The following PRRG2 variants were observed in gnomAD, a reference collection of about 807,000 sequenced individuals.
PRRG2 encodes the protein proline rich and Gla domain 2.
A neutral mutation model predicts 27.1 loss-of-function variants in PRRG2; 23 were observed. That is an observed-to-expected ratio of 0.85 (90% CI 0.61 to 1.20). PRRG2 has a LOEUF of 1.20. Ranked by LOEUF, PRRG2 falls within the 50% of genes most tolerant of loss-of-function variation. The probability of loss-of-function intolerance (pLI) is 0.00; values close to 1 mark genes in which losing one functional copy is unlikely to be tolerated. For synonymous variants in PRRG2, 104 were observed against 103.4 expected (o/e 1.01, Z -0.03); for missense variants, 276 against 254.8 (o/e 1.08, Z -0.57).
At chr19:49,587,507 CAG>C (rs1230972826) in intron 4 of PRRG2, among the ~76,000 whole-genome samples, 1 of 125,348 alleles carries the variant, frequency 8.0e-6, no homozygotes, top group Non-Finnish European at 1.6e-5. Flanking sequence ...TTTTTTGAGA[CAG>C]AGTTTCACTC....
intron 2 of PRRG2, 62 bp from the exon 3 acceptor site, chr19:49,583,480 C>T (rs539673667): frequency 5.1e-6 from 8 of 1,569,548 alleles, no homozygotes; most frequent in African/African-American, 1.4e-5. Context: ...TGCTTTCCAT[C>T]CCCCTATGAC....
At chr19:49,590,241 G>A in intron 6 of PRRG2, 130 bp from the exon 7 acceptor site, 3 of 1,486,812 alleles carry the variant, frequency 2.0e-6, no homozygotes, top group Non-Finnish European at 2.8e-6. Context: ...GAGCCGTATA[G>A]GAGGGTGGGG....
Position 49,588,512 on chromosome 19 carries a change from ATGTGGCCAGCCTGGC to A in PRRG2, c.323_337del (p.Ala108_Val112del). The A allele has an allele frequency of 2.5e-6, 4 of 1,590,344 alleles. No homozygotes were observed. The highest frequency in any genetic ancestry group is 3.4e-6 in the Non-Finnish European group (4 of 1,168,996). On this transcript the variant is annotated inframe_deletion, in exon 5 of 7. Transcript: ENST00000246794. ...TTTCCTGCAGGGCGTGGACGAGTGG[ATGTGGCCAGCCTGGC>A]TGTGGGGCTGACAGGTGGCATCCTG...
Position 49,590,948 on chromosome 19 carries a change from A to T in PRRG2, c.*559A>T, listed in dbSNP as rs2080717569. On this transcript the variant is annotated 3_prime_UTR_variant, in exon 7 of 7. Coordinates refer to ENST00000246794, the MANE Select transcript of PRRG2 (RefSeq NM_000951.3). ...GTTCCCCTAAATAAAAACCCTTCGG[A>T]AAGGAGACCAAAAAAAGCAGAAATA... 1.3e-5 allele frequency: 2 copies of T among 154,112 alleles called. No individual in the cohort carries two copies. Among genetic ancestry groups the T allele is most frequent in the African/African-American group, 4.8e-5 (2 of 41,442 alleles). The allele number at this position is 154,112 out of a possible 1,614,324, so 9.5% of individuals were successfully genotyped here. A position where few individuals can be genotyped will look rare whatever the true frequency, so the allele number is the denominator to read the frequency against.
At chr19:49,590,287 C>T in intron 6 of PRRG2, 84 bp from the exon 7 acceptor site, 1 of 1,599,262 alleles carries the variant, frequency 6.3e-7, no homozygotes, top group Admixed American at 1.7e-5. Context: ...GCTGAGACGC[C>T]AAGGGCGGTC....
At position 49,588,585 on chromosome 19, in the gene PRRG2, G is replaced by T. The variant is rs771918748; in HGVS notation, c.390G>T (p.Trp130Cys). Reference sequence around the variant, plus strand: ...TCCTGGCCGGCCTGGGAGCCTTTTGGTATCTGCGCTGGCGACAGCACCGAG... The same window carrying T: ...TCCTGGCCGGCCTGGGAGCCTTTTGTTATCTGCGCTGGCGACAGCACCGAG... ...LIVLAGLGAFWYLRWRQHRGQ... is the reference protein window; with the variant it reads ...LIVLAGLGAFCYLRWRQHRGQ... The change falls in exon 5 of 7, where the codon TGG (tryptophan) becomes TGT (cysteine). Residue 130 changes from tryptophan (W) to cysteine (C), a missense_variant. Trp to Cys is a radical substitution (Grantham distance 215, BLOSUM62 -2). Coordinates refer to ENST00000246794, the MANE Select transcript of PRRG2 (RefSeq NM_000951.3). 3 of 1,554,040 alleles carry T rather than the reference G, an allele frequency of 1.9e-6. No homozygotes were observed. The highest frequency in any genetic ancestry group is 1.4e-5 in the African/African-American group (1 of 73,236).
chr19:49,584,173 CTTT>C (rs753145623), intron 4 of PRRG2, among the ~76,000 whole-genome samples: 3 of 139,290 alleles, frequency 2.2e-5, no homozygotes, highest in African/African-American at 2.6e-5. Context: ...TTTATTTTTG[CTTT>C]TTTTTTTTTT....
At chr19:49,581,158 C>T (rs760603713), upstream of PRRG2, among the ~76,000 whole-genome samples, 11 of 152,078 alleles carry the variant, frequency 7.2e-5, no homozygotes, top group Admixed American at 1.3e-4. Flanking sequence ...GGGTAGGGGT[C>T]GGGAGGGAGG....
intron 4 of PRRG2, among the ~76,000 whole-genome samples, chr19:49,584,503 G>T (rs1316824696): frequency 6.6e-6 from 1 of 151,766 alleles, no homozygotes; most frequent in Non-Finnish European, 1.5e-5. Context: ...GGGTCTCGCT[G>T]TGTCACCCAG....
chr19:49,584,415 C>G (rs1205122522), intron 4 of PRRG2, among the ~76,000 whole-genome samples: 1 of 150,340 alleles, frequency 6.7e-6, no homozygotes, highest in African/African-American at 2.5e-5. Context: ...CGTGATCTGC[C>G]CGCCTCGGCC....
intron 1 of PRRG2, among the ~76,000 whole-genome samples, chr19:49,582,333 T>G (rs954040665): frequency 6.6e-6 from 1 of 150,694 alleles, no homozygotes; most frequent in East Asian, 2.0e-4. Flanking sequence ...TGGAGTGCAG[T>G]GGCACAGTCT....
intron 3 of PRRG2, 43 bp from the exon 4 acceptor site, chr19:49,583,870 A>T (rs768690963): frequency 4.3e-6 from 7 of 1,609,678 alleles, no homozygotes; most frequent in Non-Finnish European, 5.1e-6. Flanking sequence ...TCCCAGCTGA[A>T]TTCCTGCTTT....
intron 4 of PRRG2, among the ~76,000 whole-genome samples, chr19:49,586,317 G>C (rs1229114127): frequency 6.6e-6 from 1 of 151,468 alleles, no homozygotes; most frequent in African/African-American, 2.4e-5. Context: ...CGACCTCCTA[G>C]GCTCCAGTGA....
chr19:49,589,827 G>T, intron 5 of PRRG2, 73 bp from the exon 6 acceptor site: 2 of 1,528,286 alleles, frequency 1.3e-6, no homozygotes, highest in East Asian at 4.5e-5. Flanking sequence ...CCGTCTCCTA[G>T]ATCCCCTCTC....
Position 49,590,318 on chromosome 19 carries a change from G to C in PRRG2, c.591-53G>C, listed in dbSNP as rs574343626. On this transcript the variant is annotated intron_variant, in intron 6 of 6. Coordinates refer to ENST00000246794, the MANE Select transcript of PRRG2 (RefSeq NM_000951.3). ...CGGTCGGAGTGGTCCTGGTTGAAGG[G>C]GGGAGAAAAACAGCCAGATCTTTGA... 89 of 1,613,552 alleles carry C rather than the reference G, an allele frequency of 5.5e-5. No homozygotes were observed. In the African/African-American group the frequency reaches 1.1e-3, roughly 21 times the overall value.
intron 1 of PRRG2, among the ~76,000 whole-genome samples, chr19:49,582,238 CT>C (rs2080631281): frequency 1.7e-5 from 1 of 59,758 alleles, no homozygotes; most frequent in East Asian, 4.8e-4. Flanking sequence ...GAGACTCTGT[CT>C]AAAAAAAAAA....
At chr19:49,580,997 A>G (rs1255923742), upstream of PRRG2, among the ~76,000 whole-genome samples, 1 of 152,228 alleles carries the variant, frequency 6.6e-6, no homozygotes, top group African/African-American at 2.4e-5. Context: ...AAGCCGTTCA[A>G]GTCGCTCTCA....
intron 4 of PRRG2, among the ~76,000 whole-genome samples, chr19:49,587,939 T>TGG (rs200003544): frequency 3.6e-5 from 5 of 137,568 alleles, no homozygotes; most frequent in African/African-American, 1.6e-4. Flanking sequence ...TTTGTTTTTT[T>TGG]GGTTTTTGTT....
intron 6 of PRRG2, 69 bp from the exon 7 acceptor site, chr19:49,590,302 T>A: frequency 6.2e-7 from 1 of 1,609,026 alleles, no homozygotes; most frequent in Non-Finnish European, 8.5e-7. Context: ...GCGGTCGGAG[T>A]GGTCCTGGTT....
Sources: allele counts gnomAD v4.1 joint callset (sites outside exome capture counted in the v4.1 genomes callset), GRCh38; gene constraint gnomAD v4.1.1; transcripts MANE v1.5; gene names NCBI Gene and HGNC (gene_info 2026-07-23, HGNC 2026-07-21).